The following SBF2 variants were observed in gnomAD, a reference collection of about 807,000 sequenced individuals.
SBF2 encodes myotubularin-related protein 13.
SBF2 carries 112 observed loss-of-function variants against 225.2 expected under a neutral mutation model. The ratio of observed to expected loss-of-function variants is 0.50; its 90% confidence interval spans 0.43 to 0.58. SBF2 has a LOEUF of 0.58. Ranked by LOEUF, SBF2 falls within the 20% of genes least tolerant of loss-of-function variation. The pLI, the probability that SBF2 is intolerant of heterozygous loss-of-function variation, is 0.00. For missense variants in SBF2, 1,996 were observed against 2,206.2 expected (o/e 0.90, Z 1.91); for synonymous variants, 763 against 773.3 (o/e 0.99, Z 0.22).
intron 1 of SBF2, among the ~76,000 whole-genome samples, chr11:10,224,697 G>A (rs1244586317): frequency 6.6e-6 from 1 of 151,942 alleles, no homozygotes; most frequent in Non-Finnish European, 1.5e-5. Flanking sequence ...TTCTTCACAT[G>A]TTAGTTTGTA....
At chr11:10,087,238 C>T (rs1951604513) in intron 2 of SBF2, among the ~76,000 whole-genome samples, 1 of 152,098 alleles carries the variant, frequency 6.6e-6, no homozygotes, top group Non-Finnish European at 1.5e-5. Context: ...TCTTCTCCTC[C>T]AGGCTGCTTT....
intron 1 of SBF2, among the ~76,000 whole-genome samples, chr11:10,225,005 T>G (rs1271670365): frequency 6.6e-6 from 1 of 152,190 alleles, no homozygotes. Context: ...ACATTTCAAA[T>G]AGTGTTTCAT....
chr11:9,792,218 G>C (rs531651202), intron 33 of SBF2, among the ~76,000 whole-genome samples: 1 of 152,192 alleles, frequency 6.6e-6, no homozygotes, highest in African/African-American at 2.4e-5. Context: ...GATCACTTGA[G>C]GTCAGGAGTT....
chr11:10,171,467 T>C (rs1956184792), intron 2 of SBF2, among the ~76,000 whole-genome samples: 1 of 152,226 alleles, frequency 6.6e-6, no homozygotes, highest in South Asian at 2.1e-4. Flanking sequence ...TGAACCATCC[T>C]TGTATCCCTG....
chr11:10,161,184 C>CAAAA (rs56779207), intron 2 of SBF2, among the ~76,000 whole-genome samples: 7 of 75,326 alleles, frequency 9.3e-5, no homozygotes, highest in African/African-American at 1.6e-4. Context: ...GACTCTGTCT[C>CAAAA]AAAAAAAAAA....
Position 9,816,848 on chromosome 11 carries a change from G to A in SBF2, c.3970C>T (p.Gln1324Ter). ...AALYIFGEKS[Q>*]LRNFKVEFAL... Reference sequence around the variant, plus strand: ...GAAAAAAGAAATCTTACCCTTAGTTGCGACTTTTCACCAAATATGTAAAGG... The same window carrying A: ...GAAAAAAGAAATCTTACCCTTAGTTACGACTTTTCACCAAATATGTAAAGG... The change falls in exon 29 of 40, where the codon CAA becomes TAA. Residue 1324 changes from glutamine to a stop codon, truncating the protein, a stop_gained. Coordinates refer to ENST00000256190, the MANE Select transcript of SBF2 (RefSeq NM_030962.4). LOFTEE classifies it high-confidence loss of function. 6.2e-7 allele frequency: 1 copy of A among 1,614,060 alleles called. No individual in the cohort carries two copies. The highest frequency in any genetic ancestry group is 1.7e-5 in the Admixed American group (1 of 60,020).
intron 2 of SBF2, among the ~76,000 whole-genome samples, chr11:10,121,048 G>A (rs950017500): frequency 6.6e-6 from 1 of 152,210 alleles, no homozygotes; most frequent in Non-Finnish European, 1.5e-5. Flanking sequence ...TTACAGGCTT[G>A]AGCCATCACG....
chr11:10,024,253 G>A (rs186682375), intron 6 of SBF2, among the ~76,000 whole-genome samples: 97 of 152,142 alleles, frequency 6.4e-4, no homozygotes, highest in Non-Finnish European at 1.2e-3. Context: ...GGTGGACACT[G>A]AGTTTGTCTC....
Position 9,812,688 on chromosome 11 carries a change from A to G in SBF2, c.3999T>C (p.Ala1333=). The change falls in exon 30 of 40, where the codon GCT becomes GCC. Residue 1333 remains alanine, a synonymous_variant. Transcript: ENST00000256190. ...CAACAGGAACAAACTCACAATTTAAAGCAAATTCTACCTTGAAGTTCTGCG... is the reference window on the plus strand; with the variant it reads ...CAACAGGAACAAACTCACAATTTAAGGCAAATTCTACCTTGAAGTTCTGCG... The part of the protein sequence containing the change: ...SQLRNFKVEF[A]LNCEFVPVEF... 1 of 1,614,200 alleles carries G rather than the reference A, an allele frequency of 6.2e-7. No homozygotes were observed. The highest frequency in any genetic ancestry group is 8.5e-7 in the Non-Finnish European group (1 of 1,180,040).
intron 16 of SBF2, among the ~76,000 whole-genome samples, chr11:9,954,285 CATT>C (rs1308183133): frequency 4.6e-5 from 7 of 152,250 alleles, no homozygotes; most frequent in Non-Finnish European, 1.0e-4. Flanking sequence ...AAAATTAGTT[CATT>C]TAGTTAATGT....
At chr11:10,090,320 A>G (rs1266988574) in intron 2 of SBF2, among the ~76,000 whole-genome samples, 2 of 152,198 alleles carry the variant, frequency 1.3e-5, no homozygotes, top group African/African-American at 4.8e-5. Context: ...TAAAATGGTT[A>G]AAAAGGTATA....
chr11:10,298,167 G>A (rs995219851), upstream of SBF2, among the ~76,000 whole-genome samples: 1 of 152,204 alleles, frequency 6.6e-6, no homozygotes, highest in Non-Finnish European at 1.5e-5. Context: ...GAGGCAGGTG[G>A]ATCACCTAAG....
intron 1 of SBF2, among the ~76,000 whole-genome samples, chr11:10,216,885 A>T (rs999462198): frequency 2.2e-4 from 33 of 152,108 alleles, no homozygotes; most frequent in African/African-American, 3.9e-4. Flanking sequence ...AGTAATTTTT[A>T]AAAAAAAGTA....
At chr11:10,176,715 A>G (rs1361792988) in intron 2 of SBF2, among the ~76,000 whole-genome samples, 5 of 152,188 alleles carry the variant, frequency 3.3e-5, no homozygotes, top group Non-Finnish European at 7.3e-5. Flanking sequence ...TACCAACCAA[A>G]AAGAGTCCAG....
chr11:10,162,128 G>A (rs959799376), intron 2 of SBF2, among the ~76,000 whole-genome samples: 1 of 151,440 alleles, frequency 6.6e-6, no homozygotes, highest in Non-Finnish European at 1.5e-5. Flanking sequence ...GACAGAGCAT[G>A]AGTCTTTGAC....
At chr11:9,854,323 G>C (rs1857164752) in intron 19 of SBF2, among the ~76,000 whole-genome samples, 1 of 152,206 alleles carries the variant, frequency 6.6e-6, no homozygotes, top group Admixed American at 6.5e-5. Flanking sequence ...TCATGCAAGA[G>C]AAGGGAACAA....
intron 2 of SBF2, among the ~76,000 whole-genome samples, chr11:10,191,434 T>C (rs959165424): frequency 6.6e-6 from 1 of 152,190 alleles, no homozygotes; most frequent in Non-Finnish European, 1.5e-5. Flanking sequence ...GTTTTTAAAA[T>C]GGACTTTGAT....
At chr11:9,934,890 T>C (rs148202596) in intron 16 of SBF2, among the ~76,000 whole-genome samples, 1 of 152,288 alleles carries the variant, frequency 6.6e-6, no homozygotes, top group African/African-American at 2.4e-5. Flanking sequence ...CTTTGAAAAC[T>C]GGCACAAGAC....
At chr11:9,903,829 C>T (rs1793440403) in intron 16 of SBF2, among the ~76,000 whole-genome samples, 1 of 152,106 alleles carries the variant, frequency 6.6e-6, no homozygotes, top group African/African-American at 2.4e-5. Flanking sequence ...GGCTTTCTTC[C>T]CTTTTTGGGT....
Sources: gnomAD v4.1 joint callset for allele counts (sites outside exome capture counted in the v4.1 genomes callset) on GRCh38, gnomAD v4.1.1 for gene constraint, MANE v1.5 for transcripts, NCBI Gene and HGNC (gene_info 2026-07-23, HGNC 2026-07-21) for gene names.